Variants in FOXK2 observed in about 807,000 individuals in gnomAD.
FOXK2 encodes the protein forkhead box protein K2.
In FOXK2, 24 loss-of-function variants were observed where a neutral mutation model predicts 53.3. The observed-to-expected ratio is 0.45, with a 90% CI of 0.33 to 0.63. The LOEUF (loss-of-function observed/expected upper bound fraction) is 0.63, where lower values mean the gene tolerates loss of function less well. FOXK2 is among the 30% of genes least tolerant of loss of function. The pLI is 0.03. For synonymous variants in FOXK2, 505 were observed against 407.1 expected, an observed-to-expected ratio of 1.24 and a Z score of -2.89; for missense variants, 952 against 910.5, an observed-to-expected ratio of 1.05 and a Z score of -0.59.
chr17:82,590,659 A>C (rs2045244246), intron 8 of FOXK2, among the ~76,000 whole-genome samples: 1 of 152,252 alleles, frequency 6.6e-6, no homozygotes, highest in South Asian at 2.1e-4. Context: ...CACTGCAAAA[A>C]AATGAATATT....
In FOXK2 at chr17:82,519,980, C is replaced by G; in HGVS notation, c.92C>G (p.Pro31Arg). 7.6e-7 allele frequency: 1 copy of G among 1,307,668 alleles called. No individual in the cohort carries two copies. The highest frequency in any genetic ancestry group is 9.8e-7 in the Non-Finnish European group (1 of 1,018,178). 81.0% of individuals were successfully genotyped at this position (1,307,668 alleles called of 1,614,324 possible). The change falls in exon 1 of 9, where the codon CCG becomes CGG. Residue 31 changes from proline to arginine, a missense_variant. Transcript: ENST00000335255. ...GGCGGGGCCGGGGGCGGCGGGTCCC[C>G]GCCGGGCGGCTGGGCCGTGGCGCGC... Reference protein sequence around the residue: ...GGGGAGGGGSPPGGWAVARLE... With the variant: ...GGGGAGGGGSRPGGWAVARLE...
At chr17:82,589,513 T>G (rs2045232227) in intron 8 of FOXK2, among the ~76,000 whole-genome samples, 1 of 152,238 alleles carries the variant, frequency 6.6e-6, no homozygotes, top group Admixed American at 6.5e-5. Context: ...CCTTTCTTAG[T>G]GTATTTAGCT....
chr17:82,584,161 G>A lies in FOXK2; in HGVS notation c.1252G>A (p.Glu418Lys). 1 of 1,608,108 alleles carries A rather than the reference G, an allele frequency of 6.2e-7. No homozygotes were observed. Among genetic ancestry groups the A allele is most frequent in the Non-Finnish European group, 8.5e-7 (1 of 1,178,540 alleles). ...ACAGCCCAAACTCGCTGTCATCCAG[G>A]AAGCCCGGTTTGCCCAGAGCGCCCC... ...AAQPKLAVIQEARFAQSAPGS... is the reference protein window; with the variant it reads ...AAQPKLAVIQKARFAQSAPGS... The change falls in exon 6 of 9, where the codon GAA becomes AAA. Residue 418 changes from glutamate to lysine, a missense_variant. Physicochemically the swap from Glu to Lys is moderately conservative, Grantham distance 56. Transcript: ENST00000335255.
intron 1 of FOXK2, among the ~76,000 whole-genome samples, chr17:82,528,317 A>G (rs1254389086): frequency 2.0e-5 from 3 of 152,152 alleles, no homozygotes; most frequent in African/African-American, 4.8e-5. Flanking sequence ...TGTTGAAGAG[A>G]AAGATTTTTT....
At chr17:82,586,230 G>A (rs1359006748) in intron 7 of FOXK2, 30 bp downstream of exon 7, 2 of 1,232,092 alleles carry the variant, frequency 1.6e-6, no homozygotes, top group Non-Finnish European at 2.1e-6. Flanking sequence ...GGAGAGGGGA[G>A]ACCACAGGGA....
At chr17:82,529,862 A>G (rs2044456487) in intron 1 of FOXK2, among the ~76,000 whole-genome samples, 1 of 151,202 alleles carries the variant, frequency 6.6e-6, no homozygotes, top group Non-Finnish European at 1.5e-5. Context: ...TAACATTGTT[A>G]CGTTTGTAAT....
chr17:82,579,229 C>T (rs1170671802), intron 4 of FOXK2, among the ~76,000 whole-genome samples: 1 of 152,318 alleles, frequency 6.6e-6, no homozygotes, highest in East Asian at 1.9e-4. Context: ...CTACTTCACA[C>T]TTAAAATTCT....
chr17:82,525,384 T>G (rs1000871713), intron 1 of FOXK2, among the ~76,000 whole-genome samples: 6 of 152,136 alleles, frequency 3.9e-5, no homozygotes, highest in African/African-American at 1.4e-4. Context: ...TTCACCATGT[T>G]GGTCAGGCTG....
intron 4 of FOXK2, among the ~76,000 whole-genome samples, chr17:82,580,502 T>A (rs867444557): frequency 6.9e-4 from 19 of 27,504 alleles, no homozygotes; most frequent in Non-Finnish European, 1.1e-3. Flanking sequence ...GGCCCAGCCC[T>A]CCTCTCCATG....
intron 8 of FOXK2, among the ~76,000 whole-genome samples, chr17:82,587,783 C>T (rs886698906): frequency 2.6e-5 from 4 of 152,188 alleles, no homozygotes; most frequent in Admixed American, 1.3e-4. Flanking sequence ...TCTACCTTCG[C>T]CCTGCCCTGT....
At chr17:82,590,448 T>G (rs1379184032) in intron 8 of FOXK2, among the ~76,000 whole-genome samples, 2 of 152,188 alleles carry the variant, frequency 1.3e-5, no homozygotes, top group African/African-American at 4.8e-5. Context: ...AGCCACCGCC[T>G]CTGGCCAGCA....
At chr17:82,577,801 G>T (rs989271680) in intron 4 of FOXK2, among the ~76,000 whole-genome samples, 4 of 152,062 alleles carry the variant, frequency 2.6e-5, no homozygotes, top group African/African-American at 7.2e-5. Context: ...GCAGTGGCGC[G>T]ATCTCAGCTC....
intron 1 of FOXK2, among the ~76,000 whole-genome samples, chr17:82,543,969 G>A (rs371240248): frequency 6.6e-6 from 1 of 152,028 alleles, no homozygotes; most frequent in Non-Finnish European, 1.5e-5. Context: ...GTAGAGATGG[G>A]GTTTCACTGT....
At chr17:82,566,283 C>A (rs577171717) in intron 2 of FOXK2, among the ~76,000 whole-genome samples, 1 of 152,070 alleles carries the variant, frequency 6.6e-6, no homozygotes, top group African/African-American at 2.4e-5. Context: ...ATCCGTTGTG[C>A]ATGTGTTTGT....
rs2045389185 is a variant in FOXK2 at position 82,601,793 on chromosome 17, T to C, written c.*294T>C. On this transcript the variant is annotated 3_prime_UTR_variant, in exon 9 of 9. Transcript: ENST00000335255. ...CCCGCGAGGACCAGGCATCGCTGTGTGAGGACGGCACGGCCAGCGCCTGCT... is the reference window on the plus strand; with the variant it reads ...CCCGCGAGGACCAGGCATCGCTGTGCGAGGACGGCACGGCCAGCGCCTGCT... The C allele has an allele frequency of 3.3e-6, 1 of 307,688 alleles. No homozygotes were observed. Among genetic ancestry groups the C allele is most frequent in the Non-Finnish European group, 6.1e-6 (1 of 162,702 alleles). The allele number at this position is 307,688 out of a possible 1,614,324, so 19.1% of individuals were successfully genotyped here. A position where few individuals can be genotyped will look rare whatever the true frequency, so the allele number is the denominator to read the frequency against.
At chr17:82,564,378 G>T (rs573624852) in intron 2 of FOXK2, among the ~76,000 whole-genome samples, 189 of 134,432 alleles carry the variant, frequency 1.4e-3, no homozygotes, top group African/African-American at 5.0e-3. Context: ...CAGCTGGCTG[G>T]TTTTTTTTTG....
chr17:82,589,493 A>C (rs1384620980), intron 8 of FOXK2, among the ~76,000 whole-genome samples: 1 of 152,274 alleles, frequency 6.6e-6, no homozygotes, highest in Non-Finnish European at 1.5e-5. Context: ...TTAAAATGTT[A>C]CTGAAGATGC....
At chr17:82,555,876 ACT>A (rs1328608324) in intron 1 of FOXK2, among the ~76,000 whole-genome samples, 3 of 124,582 alleles carry the variant, frequency 2.4e-5, no homozygotes, top group Admixed American at 9.3e-5. Context: ...CGAAAGCAAG[ACT>A]CTATCACAAA....
chr17:82,557,657 A>G (rs1031927412), intron 1 of FOXK2, among the ~76,000 whole-genome samples: 18 of 151,646 alleles, frequency 1.2e-4, no homozygotes, highest in Admixed American at 1.1e-3. Context: ...TGCCTTTTTT[A>G]AAAAAACTAG....
Sources: allele counts gnomAD v4.1 joint callset (sites outside exome capture counted in the v4.1 genomes callset), GRCh38; gene constraint gnomAD v4.1.1; transcripts MANE v1.5; gene names NCBI Gene and HGNC (gene_info 2026-07-23, HGNC 2026-07-21).